Variants in SAMD12 observed in about 807,000 individuals in gnomAD.
SAMD12 encodes the protein sterile alpha motif domain-containing protein 12.
A neutral mutation model predicts 15.0 loss-of-function variants in SAMD12; 9 were observed. The ratio of observed to expected loss-of-function variants is 0.60; its 90% CI spans 0.36 to 1.05. SAMD12 has a LOEUF of 1.05. Among genes scored for constraint, SAMD12 ranks in the 50% least tolerant of loss-of-function variants. The pLI, the probability that SAMD12 is intolerant of heterozygous loss-of-function variation, is 0.01. For synonymous variants in SAMD12, 86 were observed against 90.1 expected (o/e 0.96, Z 0.25); for missense variants, 230 against 234.2 (o/e 0.98, Z 0.12).
chr8:118,353,571 CT>C (rs1818068622), intron 4 of SAMD12, among the ~76,000 whole-genome samples: 1 of 152,104 alleles, frequency 6.6e-6, no homozygotes, highest in South Asian at 2.1e-4. Context: ...ACTTTCCGGC[CT>C]CTGGAACCAT....
chr8:118,503,285 G>A (rs1384406139), intron 2 of SAMD12, among the ~76,000 whole-genome samples: 1 of 152,150 alleles, frequency 6.6e-6, no homozygotes, highest in East Asian at 1.9e-4. Context: ...TAGAAAATGA[G>A]CTCTCCTACC....
At chr8:118,455,179 T>C (rs60852015) in intron 2 of SAMD12, among the ~76,000 whole-genome samples, 3,711 of 152,114 alleles carry the variant, frequency 0.024, 132 homozygotes, top group African/African-American at 0.085. Context: ...CTTCCAAGAC[T>C]ACAACTTCCT....
chr8:118,366,770 C>A (rs1818788888), intron 4 of SAMD12, among the ~76,000 whole-genome samples: 1 of 149,830 alleles, frequency 6.7e-6, no homozygotes, highest in Non-Finnish European at 1.5e-5. Context: ...CCAGATCGCG[C>A]CATTGCACTC....
intron 2 of SAMD12, among the ~76,000 whole-genome samples, chr8:118,519,865 TTGAC>T (rs1202629821): frequency 1.3e-5 from 2 of 152,206 alleles, no homozygotes; most frequent in African/African-American, 4.8e-5. Context: ...TCTAGATAAT[TTGAC>T]TAATAAAGCC....
chr8:118,413,315 A>G (rs1354062876), intron 3 of SAMD12, among the ~76,000 whole-genome samples: 1 of 152,212 alleles, frequency 6.6e-6, no homozygotes, highest in Non-Finnish European at 1.5e-5. Context: ...TTTTATTGCA[A>G]GGTGCTTTCC....
intron 4 of SAMD12, among the ~76,000 whole-genome samples, chr8:118,358,087 G>A (rs1818317869): frequency 1.3e-5 from 2 of 152,214 alleles, no homozygotes; most frequent in Admixed American, 6.5e-5. Flanking sequence ...CATGGCTGCA[G>A]TGAGCTGTGA....
intron 4 of SAMD12, among the ~76,000 whole-genome samples, chr8:118,198,468 A>G (rs1035893486): frequency 5.3e-5 from 8 of 152,222 alleles, no homozygotes; most frequent in African/African-American, 1.7e-4. Flanking sequence ...ATATGAGTAC[A>G]ATGGAATGTT....
At chr8:118,153,411 A>G in the SAMD12 span, among the ~76,000 whole-genome samples, 1 of 152,362 alleles carries the variant, frequency 6.6e-6, no homozygotes, top group Non-Finnish European at 1.5e-5. Flanking sequence ...GGGAAAGGAA[A>G]GTACACTCTG....
intron 4 of SAMD12, among the ~76,000 whole-genome samples, chr8:118,318,660 C>CG (rs1816071600): frequency 6.6e-6 from 1 of 151,844 alleles, no homozygotes; most frequent in Non-Finnish European, 1.5e-5. Context: ...GAATTCACCT[C>CG]TATATAAGTC....
intron 4 of SAMD12, among the ~76,000 whole-genome samples, chr8:118,330,405 A>G (rs1453955915): frequency 6.6e-6 from 1 of 152,230 alleles, no homozygotes; most frequent in Non-Finnish European, 1.5e-5. Context: ...ACAGCTTAAG[A>G]GTGCCTGGGA....
At chr8:118,275,071 C>T (rs143611748) in intron 4 of SAMD12, among the ~76,000 whole-genome samples, 2,614 of 152,206 alleles carry the variant, frequency 0.017, 30 homozygotes, top group Non-Finnish European at 0.025. Context: ...AATATTTCAC[C>T]ATTGAGAGTG....
intron 2 of SAMD12, among the ~76,000 whole-genome samples, chr8:118,449,639 A>G (rs1432186654): frequency 6.6e-6 from 1 of 151,614 alleles, no homozygotes. Flanking sequence ...CTCTACTAAA[A>G]ATACAAAAAA....
chr8:118,499,920 T>C (rs1335735024), intron 2 of SAMD12, among the ~76,000 whole-genome samples: 5 of 152,150 alleles, frequency 3.3e-5, no homozygotes, highest in Admixed American at 3.3e-4. Context: ...TGGTCCTCTA[T>C]GCCGGCACAA....
intron 3 of SAMD12, among the ~76,000 whole-genome samples, chr8:118,389,256 C>G (rs1820139915): frequency 6.6e-6 from 1 of 152,220 alleles, no homozygotes; most frequent in African/African-American, 2.4e-5. Flanking sequence ...ACACCTTAAT[C>G]TGACTGCATA....
At chr8:118,572,651 T>C (rs1827046377) in intron 2 of SAMD12, among the ~76,000 whole-genome samples, 2 of 152,178 alleles carry the variant, frequency 1.3e-5, no homozygotes, top group Non-Finnish European at 1.5e-5. Context: ...CTGCCAAACA[T>C]GTAAGACATG....
intron 4 of SAMD12, among the ~76,000 whole-genome samples, chr8:118,324,119 T>C (rs1816449095): frequency 6.6e-6 from 1 of 152,224 alleles, no homozygotes; most frequent in African/African-American, 2.4e-5. Flanking sequence ...TTAATAGTTA[T>C]GTCTGTTTCT....
At chr8:118,413,076 A>G (rs369761688) in intron 3 of SAMD12, among the ~76,000 whole-genome samples, 4 of 152,222 alleles carry the variant, frequency 2.6e-5, no homozygotes, top group East Asian at 1.9e-4. Flanking sequence ...GAGGACCCCA[A>G]TTGTTCCCAA....
chr8:118,254,940 C>T (rs1299908031), intron 4 of SAMD12, among the ~76,000 whole-genome samples: 2 of 151,974 alleles, frequency 1.3e-5, no homozygotes, highest in African/African-American at 2.4e-5. Flanking sequence ...ATTTGGTTTC[C>T]CTTATTTCTT....
chr8:118,410,793 G>A (rs1294609381), intron 3 of SAMD12, among the ~76,000 whole-genome samples: 2 of 152,156 alleles, frequency 1.3e-5, no homozygotes, highest in Admixed American at 1.3e-4. Flanking sequence ...AAAAATCTCT[G>A]CAATATGAAA....
Sources: gnomAD v4.1 joint callset for allele counts (sites outside exome capture counted in the v4.1 genomes callset) on GRCh38, gnomAD v4.1.1 for gene constraint, MANE v1.5 for transcripts, NCBI Gene and HGNC (gene_info 2026-07-23, HGNC 2026-07-21) for gene names.